The following TBC1D19 variants were observed in gnomAD, a reference collection of about 807,000 sequenced individuals.
TBC1D19 encodes the protein TBC1 domain family member 19.
A neutral mutation model predicts 89.0 loss-of-function variants in TBC1D19; 60 were observed. The ratio of observed to expected loss-of-function variants is 0.67; its 90% CI spans 0.55 to 0.84. The LOEUF is 0.84. Among genes scored for constraint, TBC1D19 ranks in the 40% least tolerant of loss-of-function variants. The pLI, the probability that TBC1D19 is intolerant of heterozygous loss-of-function variation, is 0.00. For synonymous variants in TBC1D19, 189 were observed against 199.7 expected (o/e 0.95, Z 0.45); for missense variants, 500 against 610.8 (o/e 0.82, Z 1.91).
At chr4:26,613,837 A>G (rs759922867) in intron 2 of TBC1D19, among the ~76,000 whole-genome samples, 10 of 152,190 alleles carry the variant, frequency 6.6e-5, no homozygotes, top group Non-Finnish European at 1.2e-4. Flanking sequence ...GAAAATTCTA[A>G]CTTTTCATAG....
intron 7 of TBC1D19, among the ~76,000 whole-genome samples, chr4:26,652,611 A>G (rs1168785520): frequency 6.6e-6 from 1 of 152,186 alleles, no homozygotes; most frequent in Non-Finnish European, 1.5e-5. Context: ...GTATGTGTCA[A>G]GGAATTTATC....
downstream of TBC1D19, among the ~76,000 whole-genome samples, chr4:26,757,958 A>G (rs1449859667): frequency 6.6e-6 from 1 of 152,126 alleles, no homozygotes; most frequent in South Asian, 2.1e-4. Flanking sequence ...TTTCATTCCT[A>G]TGTTCCCACA....
intron 13 of TBC1D19, among the ~76,000 whole-genome samples, chr4:26,714,857 A>C (rs1716482177): frequency 6.6e-6 from 1 of 152,032 alleles, no homozygotes. Context: ...TGCGTCTCCC[A>C]GCAACTTGCA....
intron 18 of TBC1D19, among the ~76,000 whole-genome samples, chr4:26,746,305 C>T (rs996542154): frequency 6.7e-6 from 1 of 148,420 alleles, no homozygotes; most frequent in African/African-American, 2.5e-5. Context: ...CTCCTGGCTT[C>T]AAGTATTCCT....
chr4:26,581,918 G>A (rs1298808891), upstream of TBC1D19, among the ~76,000 whole-genome samples: 1 of 151,384 alleles, frequency 6.6e-6, no homozygotes, highest in East Asian at 1.9e-4. Context: ...ATTATACTCC[G>A]ACACATCTGC....
chr4:26,774,121 C>G, the TBC1D19 span, among the ~76,000 whole-genome samples: 1 of 152,216 alleles, frequency 6.6e-6, no homozygotes, highest in South Asian at 2.1e-4. Context: ...TTTTGGGGGG[C>G]AGGGCTCCTT....
chr4:26,586,377 A>T (rs746324632), intron 1 of TBC1D19, among the ~76,000 whole-genome samples: 1 of 152,028 alleles, frequency 6.6e-6, no homozygotes, highest in Non-Finnish European at 1.5e-5. Context: ...TTGTAACTTT[A>T]TAGTAAGCCT....
intron 15 of TBC1D19, 29 bp downstream of exon 15, chr4:26,720,154 T>C (rs754772456): frequency 7.8e-6 from 12 of 1,538,766 alleles, no homozygotes; most frequent in Non-Finnish European, 1.1e-5. Context: ...CTTCCTCTAG[T>C]GGGAAGTGAA....
At chr4:26,853,003 C>T in the TBC1D19 span, among the ~76,000 whole-genome samples, 19 of 152,352 alleles carry the variant, frequency 1.2e-4, no homozygotes, top group East Asian at 3.9e-4. Flanking sequence ...CAGCAGCCTC[C>T]GCAATGGCGT....
the TBC1D19 span, among the ~76,000 whole-genome samples, chr4:26,763,500 A>G: frequency 2.0e-5 from 3 of 152,212 alleles, no homozygotes; most frequent in South Asian, 2.1e-4. Context: ...ATTTACCTAT[A>G]GCCTTGAAGC....
At chr4:26,693,153 C>T (rs1714452038) in intron 13 of TBC1D19, among the ~76,000 whole-genome samples, 1 of 149,606 alleles carries the variant, frequency 6.7e-6, no homozygotes, top group South Asian at 2.1e-4. Context: ...CTGCTAAAGC[C>T]AGTGTCATTG....
At chr4:26,689,132 A>C (rs1451714860) in intron 13 of TBC1D19, among the ~76,000 whole-genome samples, 1 of 152,088 alleles carries the variant, frequency 6.6e-6, no homozygotes, top group Non-Finnish European at 1.5e-5. Flanking sequence ...AGAGAATATA[A>C]ACTTAAATAA....
intron 8 of TBC1D19, 121 bp downstream of exon 8, chr4:26,659,828 CGTT>C: frequency 3.7e-6 from 2 of 534,980 alleles, no homozygotes; most frequent in Middle Eastern, 5.4e-4. Context: ...AATAAAGTGA[CGTT>C]GATTCTTTTA....
chr4:26,786,929 C>T, the TBC1D19 span, among the ~76,000 whole-genome samples: 1 of 152,110 alleles, frequency 6.6e-6, no homozygotes, highest in East Asian at 1.9e-4. Flanking sequence ...TGCTCTTCTG[C>T]CATTTACTAG....
the TBC1D19 span, among the ~76,000 whole-genome samples, chr4:26,828,201 C>G: frequency 6.6e-6 from 1 of 152,326 alleles, no homozygotes; most frequent in East Asian, 1.9e-4. Flanking sequence ...GATGCCCATT[C>G]TGATCACCAC....
In TBC1D19 at chr4:26,618,180, G is replaced by C. The variant is rs115910648; in HGVS notation, c.219-2433G>C. Among the ~76,000 whole-genome samples, 581 of 152,268 alleles carry C rather than the reference G, an allele frequency of 3.8e-3. 4 individuals carry two copies. The highest frequency in any genetic ancestry group is 0.013 in the African/African-American group (553 of 41,544). ...CAGGCTAGACAGTCTTTGCCTCCTG[G>C]AACTTACATCCCAGTTGGGCATACA... is the stretch of plus-strand genomic sequence containing the variant. On this transcript the variant is annotated intron_variant, in intron 3 of 20. Coordinates refer to ENST00000264866, the MANE Select transcript of TBC1D19 (RefSeq NM_018317.4).
the TBC1D19 span, among the ~76,000 whole-genome samples, chr4:26,813,052 T>C: frequency 2.2e-4 from 33 of 152,054 alleles, no homozygotes; most frequent in African/African-American, 7.0e-4. Flanking sequence ...GCCTCATCTC[T>C]AGAAAAACTT....
chr4:26,682,348 A>G (rs965267286), intron 11 of TBC1D19, among the ~76,000 whole-genome samples: 32 of 152,238 alleles, frequency 2.1e-4, no homozygotes, highest in African/African-American at 7.5e-4. Flanking sequence ...TAAAATTTAA[A>G]TGACTAAAAA....
chr4:26,638,964 T>G (rs907906209), intron 6 of TBC1D19, 130 bp downstream of exon 6: 24 of 763,972 alleles, frequency 3.1e-5, no homozygotes, highest in Non-Finnish European at 4.8e-5. Flanking sequence ...TTTTCTATCA[T>G]CTGGAAAACC....
Sources: allele counts gnomAD v4.1 joint callset (sites outside exome capture counted in the v4.1 genomes callset), GRCh38; gene constraint gnomAD v4.1.1; transcripts MANE v1.5; gene names NCBI Gene and HGNC (gene_info 2026-07-23, HGNC 2026-07-21).